Variants in AFAP1L2 observed in about 807,000 individuals in gnomAD.
AFAP1L2 encodes the protein actin filament associated protein 1 like 2, also known as actin filament-associated protein 1-like 2.
Under a neutral mutation model 99.3 loss-of-function variants are expected in AFAP1L2, and 46 were observed. The ratio of observed to expected loss-of-function variants is 0.46; its 90% CI spans 0.37 to 0.59. AFAP1L2 has a LOEUF of 0.59. Ranked by LOEUF, AFAP1L2 falls within the 20% of genes least tolerant of loss-of-function variation. The pLI is 0.00. For synonymous variants in AFAP1L2, 397 were observed against 419.1 expected (o/e 0.95, Z 0.64); for missense variants, 959 against 1,034.9 (o/e 0.93, Z 1.01).
intron 1 of AFAP1L2, among the ~76,000 whole-genome samples, chr10:114,397,074 G>A (rs2057790608): frequency 6.6e-6 from 1 of 151,638 alleles, no homozygotes; most frequent in East Asian, 1.9e-4. Flanking sequence ...CATCACAACT[G>A]CTAGAGTGTT....
downstream of AFAP1L2, chr10:114,290,118 C>T (rs1564749309): frequency 7.4e-7 from 1 of 1,353,630 alleles, no homozygotes; most frequent in Non-Finnish European, 1.0e-6. Context: ...CCATGAGCTA[C>T]CGGGGCAAAG....
rs1273770131 is a variant in AFAP1L2 at position 114,333,224 on chromosome 10, T to C, written c.217A>G (p.Lys73Glu). The C allele has an allele frequency of 3.7e-6, 6 of 1,613,070 alleles. No homozygotes were observed. The Admixed American group carries it at 1.0e-4, about 27-fold the overall frequency. The change falls in exon 3 of 19, where the codon AAA becomes GAA. Residue 73 changes from lysine to glutamate, a missense_variant. By Grantham distance (56) the Lys-to-Glu change is moderately conservative. Coordinates refer to ENST00000304129, the MANE Select transcript of AFAP1L2 (RefSeq NM_001001936.3). ...GTCAGTGATCCCAGCCTCATACCTT[T>C]GCCTTGAGACTCTGCATTCTGTTGC... ...NKQQNAESQG[K>E]APEEQGLLPN...
At chr10:114,339,018 A>G (rs1012031738) in intron 2 of AFAP1L2, among the ~76,000 whole-genome samples, 43 of 152,182 alleles carry the variant, frequency 2.8e-4, no homozygotes, top group African/African-American at 6.3e-4. Context: ...TTCCCCCTCT[A>G]TAACAACAGC....
At chr10:114,339,192 C>T (rs1419995268) in intron 2 of AFAP1L2, among the ~76,000 whole-genome samples, 1 of 152,274 alleles carries the variant, frequency 6.6e-6, no homozygotes, top group East Asian at 1.9e-4. Flanking sequence ...GGCGCGGTGG[C>T]TCACGCCTGT....
intron 13 of AFAP1L2, 72 bp from the exon 14 acceptor site, chr10:114,300,762 C>G: frequency 6.6e-7 from 1 of 1,518,374 alleles, no homozygotes; most frequent in South Asian, 1.3e-5. Context: ...GGTACCAGCC[C>G]TGCCTCACAG....
intron 1 of AFAP1L2, among the ~76,000 whole-genome samples, chr10:114,379,365 C>G (rs2055287315): frequency 6.6e-6 from 1 of 152,132 alleles, no homozygotes; most frequent in Non-Finnish European, 1.5e-5. Flanking sequence ...AGCTCCTCCC[C>G]CACAGTGATG....
chr10:114,367,855 C>G (rs566718531), intron 1 of AFAP1L2, among the ~76,000 whole-genome samples: 29 of 152,322 alleles, frequency 1.9e-4, no homozygotes, highest in African/African-American at 6.5e-4. Context: ...TTAATACAAA[C>G]AGAAAGTTTG....
At chr10:114,395,836 C>T (rs988980550) in intron 1 of AFAP1L2, among the ~76,000 whole-genome samples, 2 of 152,158 alleles carry the variant, frequency 1.3e-5, no homozygotes, top group Non-Finnish European at 2.9e-5. Context: ...CAGACGCGGG[C>T]CTTGGGGCTG....
At chr10:114,343,803 G>A (rs758262987) in intron 1 of AFAP1L2, among the ~76,000 whole-genome samples, 15 of 152,150 alleles carry the variant, frequency 9.9e-5, no homozygotes, top group Non-Finnish European at 1.9e-4. Flanking sequence ...GCTGGAGCTG[G>A]AGGCCCCAGC....
intron 12 of AFAP1L2, chr10:114,302,104 G>A (rs1564792722): frequency 5.5e-6 from 3 of 541,750 alleles, no homozygotes; most frequent in Non-Finnish European, 9.9e-6. Context: ...TGCCTCTGAG[G>A]ATGCCAAAGC....
intron 10 of AFAP1L2, among the ~76,000 whole-genome samples, chr10:114,305,471 ACG>A: frequency 8.8e-6 from 1 of 113,184 alleles, no homozygotes; most frequent in African/African-American, 3.5e-5. Context: ...GCAGGAGGGG[ACG>A]CAGATGCAGG....
intron 1 of AFAP1L2, among the ~76,000 whole-genome samples, chr10:114,374,209 C>A (rs577522095): frequency 6.6e-6 from 1 of 152,102 alleles, no homozygotes; most frequent in Non-Finnish European, 1.5e-5. Flanking sequence ...TCCCAGGCAA[C>A]GCGACCCCAA....
intron 1 of AFAP1L2, among the ~76,000 whole-genome samples, chr10:114,349,399 A>G (rs113636655): frequency 0.035 from 4,892 of 141,478 alleles, 117 homozygotes; most frequent in African/African-American, 0.059. Context: ...AAAAAAAAAA[A>G]AAAAGAAAAG....
intron 1 of AFAP1L2, among the ~76,000 whole-genome samples, chr10:114,350,582 C>T (rs560722811): frequency 2.0e-5 from 3 of 152,174 alleles, no homozygotes; most frequent in African/African-American, 7.2e-5. Context: ...GTCCAGTAGA[C>T]CTGGGCAAAG....
At chr10:114,315,377 A>T (rs1019571132) in intron 6 of AFAP1L2, among the ~76,000 whole-genome samples, 183 bp downstream of exon 6, 2 of 152,206 alleles carry the variant, frequency 1.3e-5, no homozygotes, top group African/African-American at 4.8e-5. Context: ...GTTCAGAAAA[A>T]GTACATTCAT....
intron 12 of AFAP1L2, chr10:114,301,818 T>A: frequency 3.1e-6 from 1 of 320,734 alleles, no homozygotes; most frequent in Non-Finnish European, 6.0e-6. Context: ...ACAATACACT[T>A]GGGGTGGCGC....
intron 1 of AFAP1L2, among the ~76,000 whole-genome samples, chr10:114,352,459 G>A (rs2050660177): frequency 9.3e-6 from 1 of 107,004 alleles, no homozygotes; most frequent in Non-Finnish European, 1.7e-5. Flanking sequence ...GGGTAACAGA[G>A]CAAGACTCTG....
chr10:114,357,467 G>C (rs1214107433), intron 1 of AFAP1L2, among the ~76,000 whole-genome samples: 1 of 152,078 alleles, frequency 6.6e-6, no homozygotes, highest in Non-Finnish European at 1.5e-5. Flanking sequence ...GCCCCTCCCT[G>C]TCCCAATCTC....
intron 1 of AFAP1L2, among the ~76,000 whole-genome samples, chr10:114,401,585 C>A (rs550101055): frequency 1.6e-4 from 25 of 152,286 alleles, no homozygotes; most frequent in African/African-American, 5.5e-4. Context: ...TATGGCAACT[C>A]TCATAAAAGT....
Sources: gnomAD v4.1 joint callset for allele counts (sites outside exome capture counted in the v4.1 genomes callset) on GRCh38, gnomAD v4.1.1 for gene constraint, MANE v1.5 for transcripts, NCBI Gene and HGNC (gene_info 2026-07-23, HGNC 2026-07-21) for gene names.